IDO2: variants seen among roughly 807,000 people sequenced by gnomAD.
IDO2 encodes the protein indoleamine 2,3-dioxygenase-like 1 protein.
In IDO2, 46 loss-of-function variants were observed where a neutral mutation model predicts 45.1. The ratio of observed to expected loss-of-function variants is 1.02; its 90% CI spans 0.80 to 1.30. The LOEUF (loss-of-function observed/expected upper bound fraction) is 1.30, where lower values mean the gene tolerates loss of function less well. Ranked by LOEUF, IDO2 falls within the 50% of genes most tolerant of loss-of-function variation. The probability of loss-of-function intolerance (pLI) is 0.00; values close to 1 mark genes in which losing one functional copy is unlikely to be tolerated. For missense variants in IDO2, 544 were observed against 491.8 expected (o/e 1.11, Z -1.00); for synonymous variants, 218 against 184.9 (o/e 1.18, Z -1.45).
At chr8:39,971,638 A>G (rs758363021) in intron 3 of IDO2, among the ~76,000 whole-genome samples, 53 of 152,204 alleles carry the variant, frequency 3.5e-4, no homozygotes, top group Middle Eastern at 3.2e-3. Context: ...ACGTCAAAAT[A>G]AAAACATTAA....
At chr8:39,997,958 G>A (rs923716246) in intron 8 of IDO2, 3 of 224,324 alleles carry the variant, frequency 1.3e-5, no homozygotes, top group Admixed American at 8.1e-5. Context: ...GTATGAAGCC[G>A]GCTGGTGACT....
At chr8:39,958,559 A>G (rs531797997) in intron 2 of IDO2, among the ~76,000 whole-genome samples, 126 of 152,222 alleles carry the variant, frequency 8.3e-4, no homozygotes, top group African/African-American at 2.7e-3. Flanking sequence ...ACCACATCAA[A>G]CTAATTTTTG....
chr8:39,982,201 A>C (rs766485969), intron 4 of IDO2, among the ~76,000 whole-genome samples: 3 of 148,508 alleles, frequency 2.0e-5, no homozygotes, highest in Non-Finnish European at 3.0e-5. Context: ...TCTATCATCT[A>C]TCTATGTATC....
intron 1 of IDO2, among the ~76,000 whole-genome samples, chr8:39,946,631 C>A (rs1230816273): frequency 3.3e-5 from 5 of 151,854 alleles, no homozygotes; most frequent in African/African-American, 9.7e-5. Context: ...AGATAAATAA[C>A]CTCCGCTCCC....
intron 3 of IDO2, 54 bp downstream of exon 3, chr8:39,963,757 T>C: frequency 1.9e-6 from 2 of 1,062,862 alleles, no homozygotes; most frequent in Non-Finnish European, 1.4e-6. Flanking sequence ...CATACCACTT[T>C]TCTTTCTTAG....
At chr8:39,949,753 G>T (rs944555061) in intron 2 of IDO2, among the ~76,000 whole-genome samples, 1 of 152,126 alleles carries the variant, frequency 6.6e-6, no homozygotes, top group Non-Finnish European at 1.5e-5. Flanking sequence ...AACTGTCCTG[G>T]ATCACTATTG....
At chr8:39,995,245 C>CTTCTTCTTCTTCTTCTTCTT (rs1563438285) in intron 8 of IDO2, 4 of 68,748 alleles carry the variant, frequency 5.8e-5, no homozygotes, top group African/African-American at 2.0e-4. Context: ...TTCTCCTTCT[C>CTTCTTCTTCTTCTTCTTCTT]CTTCTCCTTC....
chr8:40,014,766 C>T (rs185095909), intron 10 of IDO2, among the ~76,000 whole-genome samples: 4 of 152,286 alleles, frequency 2.6e-5, no homozygotes, highest in Admixed American at 1.3e-4. Flanking sequence ...TAGAAATATA[C>T]ATTTGAGTAC....
At chr8:39,946,423 A>G (rs1235073372) in intron 1 of IDO2, among the ~76,000 whole-genome samples, 1 of 152,104 alleles carries the variant, frequency 6.6e-6, no homozygotes, top group Non-Finnish European at 1.5e-5. Flanking sequence ...TCTGGCTAAC[A>G]TGGTAAACCC....
chr8:39,953,393 A>G (rs1011440310), intron 2 of IDO2, among the ~76,000 whole-genome samples: 2 of 152,204 alleles, frequency 1.3e-5, no homozygotes, highest in Non-Finnish European at 2.9e-5. Context: ...AATCTCTAGC[A>G]TAATTGACCT....
intron 2 of IDO2, among the ~76,000 whole-genome samples, chr8:39,954,485 A>C (rs1344681289): frequency 1.3e-5 from 2 of 152,022 alleles, no homozygotes; most frequent in East Asian, 3.9e-4. Context: ...TAAATCACAG[A>C]AGTTGATTTT....
intron 1 of IDO2, among the ~76,000 whole-genome samples, chr8:39,942,872 G>C (rs1225577981): frequency 1.3e-5 from 2 of 152,094 alleles, no homozygotes; most frequent in Non-Finnish European, 2.9e-5. Context: ...AAATTCTTGA[G>C]AAGGTGCAGA....
chr8:39,979,166 G>T lies in IDO2; in HGVS notation c.295G>T (p.Gly99Ter). 1.3e-6 allele frequency: 2 copies of T among 1,595,322 alleles called. No individual in the cohort carries two copies. Among genetic ancestry groups the T allele is most frequent in the South Asian group, 1.1e-5 (1 of 87,364 alleles). ...CACCATGGGTTATGTCTGGCAGGAA[G>T]GAGAGGCGCAGCCTGCAGAGGTGAG... Residue 99 changes from glycine to a stop codon, truncating the protein, a stop_gained, in exon 4 of 11, where the codon GGA becomes TGA. Coordinates refer to ENST00000502986, the Ensembl canonical transcript of IDO2. LOFTEE classifies it high-confidence loss of function.
intron 4 of IDO2, among the ~76,000 whole-genome samples, chr8:39,981,171 C>G (rs867193207): frequency 6.6e-6 from 1 of 151,950 alleles, no homozygotes; most frequent in East Asian, 1.9e-4. Flanking sequence ...ACGCCAGTCT[C>G]CTATCTCAGC....
intron 9 of IDO2, among the ~76,000 whole-genome samples, chr8:40,008,697 T>C (rs1411560922): frequency 6.6e-6 from 1 of 152,230 alleles, no homozygotes; most frequent in Non-Finnish European, 1.5e-5. Context: ...AAGCATCTGA[T>C]GAGGATGAAC....
rs1372075863 is a variant in IDO2 at position 39,942,066 on chromosome 8, C to T, written c.-18+6848C>T. ...TATGATTGCACCATTGCACTCCAGC[C>T]TGGCTGAGAGAATGAGAGCTTGTTT... On this transcript the variant is annotated intron_variant, in intron 1 of 10. Coordinates refer to ENST00000502986, the Ensembl canonical transcript of IDO2. 5.3e-5 allele frequency among the ~76,000 whole-genome samples: 8 copies of T among 152,136 alleles called. No individual in the cohort carries two copies. The South Asian group carries it at 6.2e-4, about 12-fold the overall frequency.
intron 2 of IDO2, among the ~76,000 whole-genome samples, chr8:39,950,653 G>A (rs891995556): frequency 6.6e-5 from 10 of 152,192 alleles, no homozygotes; most frequent in Admixed American, 2.0e-4. Flanking sequence ...ATAACCTGAC[G>A]CATCTACCCT....
intron 9 of IDO2, among the ~76,000 whole-genome samples, 174 bp from the exon 10 acceptor site, chr8:40,013,391 C>T (rs1318259173): frequency 1.3e-5 from 2 of 152,156 alleles, no homozygotes; most frequent in African/African-American, 4.8e-5. Context: ...TGTTATGAAG[C>T]TGGAGTGAAG....
intron 2 of IDO2, among the ~76,000 whole-genome samples, chr8:39,961,638 A>G (rs1026877574): frequency 4.6e-5 from 7 of 152,068 alleles, no homozygotes; most frequent in Non-Finnish European, 8.8e-5. Flanking sequence ...GTATGTTTCT[A>G]ATATGACTTT....
Sources: allele counts gnomAD v4.1 joint callset (sites outside exome capture counted in the v4.1 genomes callset), GRCh38; gene constraint gnomAD v4.1.1; transcripts MANE v1.5; gene names NCBI Gene and HGNC (gene_info 2026-07-23, HGNC 2026-07-21).